The following LIPA variants were observed in gnomAD, a reference collection of about 807,000 sequenced individuals.
LIPA encodes the protein lipase A, lysosomal acid type.
Under a neutral mutation model 40.6 loss-of-function variants are expected in LIPA, and 26 were observed. That is an observed-to-expected ratio of 0.64 (90% CI 0.47 to 0.89). The LOEUF is 0.89. LIPA is among the 40% of genes least tolerant of loss of function. LIPA has a pLI of 0.00. For synonymous variants in LIPA, 188 were observed against 168.4 expected (o/e 1.12, Z -0.90); for missense variants, 455 against 479.6 (o/e 0.95, Z 0.48).
In LIPA at chr10:89,411,474, C is replaced by T. The variant is rs149218695; in HGVS notation, c.61+1317G>A. On this transcript the variant is annotated intron_variant, in intron 2 of 8. Transcript: ENST00000371837. ...CAATTCTAAGTTAATATGGACTGAACGAGGTCTTACTAATAGCAAAGAATA... is the reference window on the plus strand; with the variant it reads ...CAATTCTAAGTTAATATGGACTGAATGAGGTCTTACTAATAGCAAAGAATA... Among the ~76,000 whole-genome samples the T allele has an allele frequency of 2.3e-3, 344 of 152,288 alleles. 1 individual carries two copies. The highest frequency in any genetic ancestry group is 6.7e-3 in the African/African-American group (280 of 41,550).
chr10:89,411,700 ACCT>A (rs1841470459), intron 2 of LIPA, among the ~76,000 whole-genome samples: 1 of 152,136 alleles, frequency 6.6e-6, no homozygotes, highest in Admixed American at 6.5e-5. Context: ...CAAGGCCTAG[ACCT>A]CCTCACTGCT....
chr10:89,316,211 TG>T (rs1387250112), intron 1 of LIPA, among the ~76,000 whole-genome samples: 1 of 152,146 alleles, frequency 6.6e-6, no homozygotes, highest in Non-Finnish European at 1.5e-5. Context: ...TTCATCTCAC[TG>T]GGGCTTGTCA....
At chr10:89,374,345 T>A (rs115803666) in intron 2 of LIPA, among the ~76,000 whole-genome samples, 30 of 149,418 alleles carry the variant, frequency 2.0e-4, no homozygotes, top group African/African-American at 6.1e-4. Context: ...ACACACACAC[T>A]CTCTCTCTCT....
intron 2 of LIPA, among the ~76,000 whole-genome samples, chr10:89,373,367 C>T (rs1244701306): frequency 2.1e-5 from 3 of 144,542 alleles, no homozygotes; most frequent in Non-Finnish European, 3.0e-5. Context: ...AACTGGAACA[C>T]GTGGGAGTCA....
intron 2 of LIPA, chr10:89,384,040 GCT>G: frequency 6.2e-7 from 1 of 1,614,176 alleles, no homozygotes; most frequent in Non-Finnish European, 8.5e-7. Flanking sequence ...CATTGAAGAA[GCT>G]CTGACCAGTA....
At chr10:89,266,848 C>T (rs1178811664) in intron 1 of LIPA, among the ~76,000 whole-genome samples, 1 of 152,210 alleles carries the variant, frequency 6.6e-6, no homozygotes, top group Non-Finnish European at 1.5e-5. Context: ...CTGAGAACTG[C>T]AGAGAGAATT....
At chr10:89,356,927 G>A (rs983064917) in intron 2 of LIPA, among the ~76,000 whole-genome samples, 4 of 152,090 alleles carry the variant, frequency 2.6e-5, no homozygotes, top group African/African-American at 9.7e-5. Flanking sequence ...TTGGCCACTG[G>A]TGACTGAACT....
intron 8 of LIPA, among the ~76,000 whole-genome samples, chr10:89,218,877 C>T (rs551638376): frequency 6.6e-6 from 1 of 152,250 alleles, no homozygotes; most frequent in African/African-American, 2.4e-5. Flanking sequence ...AATACAACAG[C>T]TTAACTTGTA....
At chr10:89,320,570 G>T (rs1310179699) in intron 1 of LIPA, among the ~76,000 whole-genome samples, 2 of 152,108 alleles carry the variant, frequency 1.3e-5, no homozygotes, top group African/African-American at 4.8e-5. Context: ...AATAAAAGAG[G>T]ACACAAACAA....
chr10:89,364,881 C>A (rs934707573), intron 2 of LIPA, among the ~76,000 whole-genome samples: 31 of 152,148 alleles, frequency 2.0e-4, no homozygotes, highest in African/African-American at 7.5e-4. Context: ...ATTGTTGCAA[C>A]CTCTAAGAAG....
At chr10:89,231,351 A>C (rs1167829875) in intron 3 of LIPA, among the ~76,000 whole-genome samples, 1 of 152,224 alleles carries the variant, frequency 6.6e-6, no homozygotes, top group Admixed American at 6.5e-5. Context: ...ACTACTCCGG[A>C]AGGCACTGCT....
intron 1 of LIPA, among the ~76,000 whole-genome samples, chr10:89,250,159 G>A (rs1212167619): frequency 7.0e-6 from 1 of 143,694 alleles, no homozygotes; most frequent in East Asian, 2.0e-4. Flanking sequence ...GAGTACAGTG[G>A]CGAGATCTTG....
In LIPA at chr10:89,228,261, T is replaced by C. The variant is rs771904218; in HGVS notation, c.367A>G (p.Asn123Asp). 9.3e-6 allele frequency: 15 copies of C among 1,614,084 alleles called. No homozygotes were observed. In the South Asian group the frequency reaches 1.6e-4, roughly 18 times the overall value. Residue 123 changes from asparagine (N) to aspartate (D), a missense_variant, in exon 4 of 10, where the codon AAT becomes GAT. By Grantham distance (23) the Asn-to-Asp change is conservative. Coordinates refer to ENST00000336233, the MANE Select transcript of LIPA (RefSeq NM_000235.4). ...FDVWMGNSRG[N>D]TWSRKHKTLS... Reference sequence around the variant, plus strand: ...GTCTTATGTTTCCGAGACCAGGTATTTCCTCTGCTGTTGCCCATCCACACG... The same window carrying C: ...GTCTTATGTTTCCGAGACCAGGTATCTCCTCTGCTGTTGCCCATCCACACG...
intron 2 of LIPA, chr10:89,406,489 T>A (rs534486197): frequency 7.2e-5 from 11 of 152,440 alleles, no homozygotes; most frequent in Admixed American, 5.2e-4. Context: ...TGCTGCTCAC[T>A]CTTTGGGTCT....
rs760221407 is a variant in LIPA at position 89,363,774 on chromosome 10, C to CAAAA, written c.61+49013_61+49016dup. ...CCTGGGCAACAGAGCCAGACTCCAT[C>CAAAA]AAAAAAAAAAAAAAAAAAGCGAGGG... On this transcript the variant is annotated intron_variant, in intron 2 of 8. Transcript: ENST00000371837. Among the ~76,000 whole-genome samples, 229 of 93,088 alleles carry CAAAA rather than the reference C, an allele frequency of 2.5e-3. 13 individuals carry two copies. The highest frequency in any genetic ancestry group is 7.9e-3 in the African/African-American group (192 of 24,454). The allele number at this position is 93,088 out of a possible 152,430, so 61.1% of individuals were successfully genotyped here.
At chr10:89,406,673 C>A (rs981987978) in intron 2 of LIPA, among the ~76,000 whole-genome samples, 2 of 152,098 alleles carry the variant, frequency 1.3e-5, no homozygotes, top group Non-Finnish European at 1.5e-5. Flanking sequence ...AGCAAGACCA[C>A]AAACCCACCA....
At chr10:89,336,218 G>A (rs1843738301) in intron 1 of LIPA, among the ~76,000 whole-genome samples, 2 of 150,818 alleles carry the variant, frequency 1.3e-5, no homozygotes, top group Non-Finnish European at 3.0e-5. Flanking sequence ...AGGGAGGGAG[G>A]AAGAGAGGGA....
At chr10:89,359,999 G>A (rs564467436) in intron 2 of LIPA, among the ~76,000 whole-genome samples, 1 of 152,120 alleles carries the variant, frequency 6.6e-6, no homozygotes, top group South Asian at 2.1e-4. Context: ...AACTCTTACT[G>A]GGTCATTTTG....
At chr10:89,228,513 A>C in intron 3 of LIPA, 115 bp from the exon 4 acceptor site, 1 of 924,848 alleles carries the variant, frequency 1.1e-6, no homozygotes, top group East Asian at 2.5e-5. Context: ...ACTAGAAATA[A>C]ATTGAAAGAT....
Sources: allele counts gnomAD v4.1 joint callset (sites outside exome capture counted in the v4.1 genomes callset), GRCh38; gene constraint gnomAD v4.1.1; transcripts MANE v1.5; gene names NCBI Gene and HGNC (gene_info 2026-07-23, HGNC 2026-07-21).